Variants in TLE4 observed in about 807,000 individuals in gnomAD.
TLE4 encodes transducin-like enhancer protein 4.
A neutral mutation model predicts 92.8 loss-of-function variants in TLE4; 8 were observed. The observed-to-expected ratio is 0.09, with a 90% CI of 0.05 to 0.16. The LOEUF (loss-of-function observed/expected upper bound fraction) is 0.16, where lower values mean the gene tolerates loss of function less well. Among genes scored for constraint, TLE4 ranks in the 10% least tolerant of loss-of-function variants. The probability of loss-of-function intolerance (pLI) is 1.00; values close to 1 mark genes in which losing one functional copy is unlikely to be tolerated. For synonymous variants in TLE4, 371 were observed against 374.1 expected (o/e 0.99, Z 0.10); for missense variants, 675 against 997.6 (o/e 0.68, Z 4.36).
intron 8 of TLE4, among the ~76,000 whole-genome samples, chr9:79,681,829 T>G (rs1357329565): frequency 8.7e-6 from 1 of 114,436 alleles, no homozygotes; most frequent in East Asian, 2.4e-4. Context: ...AGAGAGTGTG[T>G]GCATGTGTGT....
chr9:79,606,185 TTG>T (rs2046830516), intron 4 of TLE4, among the ~76,000 whole-genome samples: 1 of 110,962 alleles, frequency 9.0e-6, no homozygotes, highest in Admixed American at 1.0e-4. Flanking sequence ...GCAGTAGTAG[TTG>T]TTTTTTTTTT....
At chr9:79,580,053 T>A (rs1011658007) in intron 4 of TLE4, 65 of 152,180 alleles carry the variant, frequency 4.3e-4, no homozygotes, top group African/African-American at 1.5e-3. Flanking sequence ...TTTTCACCAT[T>A]GAAAAGTATT....
At chr9:79,705,262 C>G (rs2071204775) in intron 9 of TLE4, among the ~76,000 whole-genome samples, 1 of 152,182 alleles carries the variant, frequency 6.6e-6, no homozygotes, top group Non-Finnish European at 1.5e-5. Context: ...GTTTAAATGC[C>G]TAGATGGATT....
intron 8 of TLE4, among the ~76,000 whole-genome samples, chr9:79,684,027 T>C (rs2065266888): frequency 6.6e-6 from 1 of 152,232 alleles, no homozygotes; most frequent in African/African-American, 2.4e-5. Flanking sequence ...AGGTTGCTTT[T>C]TAATTTACAT....
At chr9:79,666,757 T>C (rs1223355681) in intron 8 of TLE4, among the ~76,000 whole-genome samples, 1 of 152,222 alleles carries the variant, frequency 6.6e-6, no homozygotes, top group African/African-American at 2.4e-5. Flanking sequence ...GCTTGTTTTC[T>C]TAGACACACA....
At chr9:79,617,167 A>G (rs180919025) in intron 5 of TLE4, among the ~76,000 whole-genome samples, 8 of 152,320 alleles carry the variant, frequency 5.3e-5, no homozygotes, top group Admixed American at 5.2e-4. Flanking sequence ...CTTCCTGCAG[A>G]GTTAGCTAGG....
chr9:79,587,582 C>T (rs1199007722), intron 4 of TLE4, among the ~76,000 whole-genome samples: 3 of 152,038 alleles, frequency 2.0e-5, no homozygotes, highest in African/African-American at 7.2e-5. Context: ...GAAATACAGC[C>T]AGGTTTTTTT....
At chr9:79,722,691 T>A in intron 18 of TLE4, 90 bp downstream of exon 18, 1 of 1,470,346 alleles carries the variant, frequency 6.8e-7, no homozygotes, top group Non-Finnish European at 9.3e-7. Context: ...ATCCTTGAGT[T>A]CATTACCATG....
At chr9:79,640,846 G>A (rs1289858183) in intron 6 of TLE4, among the ~76,000 whole-genome samples, 2 of 151,924 alleles carry the variant, frequency 1.3e-5, no homozygotes, top group Non-Finnish European at 2.9e-5. Context: ...ATACTTACTA[G>A]TCTTTATAAA....
At chr9:79,641,134 G>C (rs1228318478) in intron 6 of TLE4, among the ~76,000 whole-genome samples, 1 of 149,032 alleles carries the variant, frequency 6.7e-6, no homozygotes, top group Non-Finnish European at 1.5e-5. Flanking sequence ...AAAAAAAACA[G>C]GAAGAATCTT....
intron 4 of TLE4, among the ~76,000 whole-genome samples, chr9:79,608,874 TA>T (rs2047707120): frequency 6.6e-6 from 1 of 152,094 alleles, no homozygotes; most frequent in African/African-American, 2.4e-5. Flanking sequence ...AAATAAAATT[TA>T]TGTCTTTTTA....
intron 4 of TLE4, among the ~76,000 whole-genome samples, chr9:79,588,873 C>T (rs1165190364): frequency 2.0e-5 from 3 of 152,052 alleles, no homozygotes; most frequent in African/African-American, 7.2e-5. Context: ...AATCCATAGC[C>T]CTTACTGGTT....
intron 4 of TLE4, among the ~76,000 whole-genome samples, chr9:79,598,035 A>G (rs1288271022): frequency 6.8e-6 from 1 of 147,830 alleles, no homozygotes; most frequent in East Asian, 2.0e-4. Flanking sequence ...GATCGAGACT[A>G]TCCTGGCTAA....
chr9:79,614,125 AGT>A (rs2048971847), intron 5 of TLE4, among the ~76,000 whole-genome samples: 1 of 152,094 alleles, frequency 6.6e-6, no homozygotes, highest in Non-Finnish European at 1.5e-5. Context: ...GATCCAGACT[AGT>A]GTGTATTTTT....
intron 6 of TLE4, among the ~76,000 whole-genome samples, chr9:79,651,042 T>A (rs1249968573): frequency 2.5e-5 from 1 of 40,544 alleles, no homozygotes; most frequent in Non-Finnish European, 8.8e-5. Context: ...TCTCTCTCTC[T>A]CTCTCTCTCT....
chr9:79,604,834 C>T (rs1272620438), intron 4 of TLE4, among the ~76,000 whole-genome samples: 1 of 152,132 alleles, frequency 6.6e-6, no homozygotes, highest in Admixed American at 6.6e-5. Context: ...TCATTTTGAT[C>T]ATACATATAT....
intron 4 of TLE4, among the ~76,000 whole-genome samples, chr9:79,606,134 A>T (rs2046792436): frequency 7.7e-6 from 1 of 129,174 alleles, no homozygotes; most frequent in Admixed American, 8.6e-5. Flanking sequence ...TACTAATTCG[A>T]TTCTTATAAT....
intron 5 of TLE4, among the ~76,000 whole-genome samples, chr9:79,617,007 C>T (rs2049805005): frequency 6.6e-6 from 1 of 152,162 alleles, no homozygotes; most frequent in Non-Finnish European, 1.5e-5. Flanking sequence ...ATAGGGAGTG[C>T]CGTTTCCCCA....
intron 8 of TLE4, among the ~76,000 whole-genome samples, chr9:79,698,008 G>A (rs529935030): frequency 1.3e-5 from 2 of 152,214 alleles, no homozygotes; most frequent in Non-Finnish European, 2.9e-5. Flanking sequence ...AAAAATATGC[G>A]GTTGTTTCCA....
Sources: allele counts gnomAD v4.1 joint callset (sites outside exome capture counted in the v4.1 genomes callset), GRCh38; gene constraint gnomAD v4.1.1; transcripts MANE v1.5; gene names NCBI Gene and HGNC (gene_info 2026-07-23, HGNC 2026-07-21).